Variants in NFKBID observed in about 807,000 individuals in gnomAD.
NFKBID encodes NFKB inhibitor delta, also known as NF-kappa-B inhibitor delta.
In NFKBID, 26 loss-of-function variants were observed where a neutral mutation model predicts 53.4. The ratio of observed to expected loss-of-function variants is 0.49; its 90% CI spans 0.36 to 0.68. NFKBID has a LOEUF of 0.68. NFKBID is among the 30% of genes least tolerant of loss of function. NFKBID has a pLI of 0.00. For missense variants in NFKBID, 493 were observed against 614.1 expected (o/e 0.80, Z 2.08); for synonymous variants, 262 against 259.8 (o/e 1.01, Z -0.08).
At chr19:35,890,311 A>C in intron 10 of NFKBID, 63 bp downstream of exon 10, 1 of 1,167,396 alleles carries the variant, frequency 8.6e-7, no homozygotes, top group East Asian at 2.4e-5. Context: ...CAGGACCCCT[A>C]ACATCCCACT....
At chr19:35,897,617 C>A in intron 4 of NFKBID, 34 bp downstream of exon 4, 1 of 1,081,116 alleles carries the variant, frequency 9.2e-7, no homozygotes. Context: ...TTTTTAGGGG[C>A]CCTTCAGCAT....
chr19:35,897,090 G>A (rs776899078), intron 4 of NFKBID, 32 bp from the exon 5 acceptor site: 7 of 1,585,072 alleles, frequency 4.4e-6, no homozygotes, highest in Non-Finnish European at 6.0e-6. Context: ...ATAGAACTGG[G>A]TGTCTGGGGG....
intron 3 of NFKBID, 128 bp downstream of exon 3, chr19:35,898,344 G>A: frequency 1.5e-6 from 1 of 676,256 alleles, no homozygotes; most frequent in East Asian, 2.7e-5. Context: ...GTGAGATCCT[G>A]TCTCAGAAAA....
At chr19:35,898,332 G>C (rs1975325349) in intron 3 of NFKBID, 140 bp downstream of exon 3, 6 of 658,974 alleles carry the variant, frequency 9.1e-6, no homozygotes, top group Non-Finnish European at 1.6e-5. Flanking sequence ...CAGGGCAACA[G>C]AGTGAGATCC....
Position 35,888,501 on chromosome 19 carries a change from T to C in NFKBID, c.*58A>G, listed in dbSNP as rs1456391686. On this transcript the variant is annotated 3_prime_UTR_variant, in exon 12 of 12. Transcript: ENST00000641389. Reference sequence around the variant, plus strand: ...ATGGGTTTGCAACATTAGCATACGCTGGCTGTCCCGCAGGACGGTGGGGAC... The same window carrying C: ...ATGGGTTTGCAACATTAGCATACGCCGGCTGTCCCGCAGGACGGTGGGGAC... 13 of 1,243,256 alleles carry C rather than the reference T, an allele frequency of 1.0e-5. No individual in the cohort carries two copies. The Admixed American group carries it at 2.4e-4, about 23-fold the overall frequency. 77.0% of individuals were successfully genotyped at this position (1,243,256 alleles called of 1,614,324 possible).
chr19:35,900,014 C>T (rs529473931), intron 1 of NFKBID, among the ~76,000 whole-genome samples: 1 of 148,548 alleles, frequency 6.7e-6, no homozygotes, highest in East Asian at 2.0e-4. Context: ...CCAGCGTAGA[C>T]CCTGAGGCCA....
At chr19:35,900,420 G>A (rs1032498440) in intron 1 of NFKBID, 22 bp downstream of exon 1, 7 of 1,230,044 alleles carry the variant, frequency 5.7e-6, no homozygotes, top group African/African-American at 4.7e-5. Flanking sequence ...GGGGCCGAAC[G>A]CGTCCTGCCC....
intron 3 of NFKBID, 95 bp downstream of exon 3, chr19:35,898,377 G>A: frequency 2.6e-6 from 2 of 764,548 alleles, no homozygotes; most frequent in Non-Finnish European, 4.3e-6. Flanking sequence ...GAAGAATGAG[G>A]GCCTGACTCC....
At chr19:35,900,817 T>C (rs1382894684), upstream of NFKBID, among the ~76,000 whole-genome samples, 23 of 147,452 alleles carry the variant, frequency 1.6e-4, no homozygotes, top group African/African-American at 5.2e-4. Context: ...CTTTTTCTTT[T>C]TTTTCTTTTC....
intron 9 of NFKBID, among the ~76,000 whole-genome samples, chr19:35,893,621 C>T (rs890949923): frequency 2.7e-5 from 4 of 149,948 alleles, no homozygotes; most frequent in Non-Finnish European, 4.5e-5. Flanking sequence ...GAGATCGAGA[C>T]CATCCTGGCT....
intron 9 of NFKBID, among the ~76,000 whole-genome samples, chr19:35,895,437 G>A (rs1458256583): frequency 6.7e-6 from 1 of 150,354 alleles, no homozygotes; most frequent in Non-Finnish European, 1.5e-5. Context: ...GCCATGAGAT[G>A]AGATTGCACC....
chr19:35,894,941 C>T (rs1167217022), intron 9 of NFKBID, among the ~76,000 whole-genome samples: 1 of 150,162 alleles, frequency 6.7e-6, no homozygotes, highest in Non-Finnish European at 1.5e-5. Flanking sequence ...TGTGGTGAGC[C>T]GAGATCACAC....
chr19:35,898,067 G>A (rs1047944885), intron 3 of NFKBID, among the ~76,000 whole-genome samples: 4 of 152,206 alleles, frequency 2.6e-5, no homozygotes, highest in South Asian at 2.1e-4. Flanking sequence ...CTGGGGCTCC[G>A]TAGGACTATG....
At chr19:35,901,246 G>A (rs1429561555), upstream of NFKBID, among the ~76,000 whole-genome samples, 6 of 152,044 alleles carry the variant, frequency 3.9e-5, no homozygotes, top group Non-Finnish European at 7.4e-5. Flanking sequence ...GGGGCAGGGA[G>A]AATATTACTG....
chr19:35,890,842 T>C, intron 9 of NFKBID: 1 of 347,212 alleles, frequency 2.9e-6, no homozygotes, highest in South Asian at 2.3e-5. Context: ...CCAGCATGGG[T>C]GACAGAGTGA....
rs1043731740 is a variant in NFKBID at position 35,900,363 on chromosome 19, C to T, written c.61+79G>A. 2.5e-5 allele frequency: 27 copies of T among 1,100,250 alleles called. No homozygotes were observed. The African/African-American group carries it at 3.6e-4, about 14-fold the overall frequency. 68.2% of individuals were successfully genotyped at this position (1,100,250 alleles called of 1,614,324 possible). ...AAGGACTGACGCTTCAGCTCCGTCC[C>T]TCAGGGCCTCGGGAGTCTTTCGATC... is the stretch of plus-strand genomic sequence containing the variant. On this transcript the variant is annotated intron_variant, in intron 1 of 11. Transcript: ENST00000641389.
intron 9 of NFKBID, 44 bp downstream of exon 9, chr19:35,895,936 T>C (rs771187214): frequency 6.3e-7 from 1 of 1,581,606 alleles, no homozygotes; most frequent in Admixed American, 1.7e-5. Flanking sequence ...GTGGCCCCAT[T>C]CCACACAATC....
chr19:35,896,514 C>A lies in NFKBID; in HGVS notation c.709G>T (p.Ala237Ser). The change falls in exon 7 of 12, where the codon GCC becomes TCC. Residue 237 changes from alanine to serine, a missense_variant. Coordinates refer to ENST00000641389, the Ensembl canonical transcript of NFKBID. The surrounding 1 kb of genome is among the most constrained non-coding windows in gnomAD (Gnocchi z 5.7). ...TCCTCCACAATCAGGGGCTGGTTGG[C>A]AGCAGCCGCCACCAGGAGAGGGGTC... The A allele has an allele frequency of 6.2e-7, 1 of 1,613,982 alleles. No individual in the cohort carries two copies.
At chr19:35,889,839 G>C (rs746456838) in intron 11 of NFKBID, 51 bp downstream of exon 11, 1 of 1,534,462 alleles carries the variant, frequency 6.5e-7, no homozygotes, top group Non-Finnish European at 8.9e-7. Flanking sequence ...AGGTCATCCC[G>C]CGCCCGCGAG....
Sources: allele counts gnomAD v4.1 joint callset (sites outside exome capture counted in the v4.1 genomes callset), GRCh38; gene constraint gnomAD v4.1.1; non-coding constraint Gnocchi (gnomAD v3.1); transcripts MANE v1.5; gene names NCBI Gene and HGNC (gene_info 2026-07-23, HGNC 2026-07-21).